The following GMDS variants were observed in gnomAD, a reference collection of about 807,000 sequenced individuals.
The protein encoded by GMDS is GDP-mannose 4,6-dehydratase.
Under a neutral mutation model 49.9 loss-of-function variants are expected in GMDS, and 20 were observed. That is an observed-to-expected ratio of 0.40 (90% confidence interval 0.28 to 0.58). The LOEUF (loss-of-function observed/expected upper bound fraction) is 0.58, where lower values mean the gene tolerates loss of function less well. Ranked by LOEUF, GMDS falls within the 20% of genes least tolerant of loss-of-function variation. GMDS has a pLI of 0.42. For synonymous variants in GMDS, 177 were observed against 178.6 expected, an observed-to-expected ratio of 0.99 and a Z score of 0.07; for missense variants, 362 against 481.4, an observed-to-expected ratio of 0.75 and a Z score of 2.32.
chr6:1,639,995 AATG>A (rs1250726042), intron 9 of GMDS, among the ~76,000 whole-genome samples: 2 of 152,204 alleles, frequency 1.3e-5, no homozygotes, highest in Non-Finnish European at 2.9e-5. Context: ...AAGCCTGTTG[AATG>A]ATATCGACCA....
chr6:2,006,374 G>T (rs1767173118), intron 4 of GMDS, among the ~76,000 whole-genome samples: 1 of 152,012 alleles, frequency 6.6e-6, no homozygotes, highest in African/African-American at 2.4e-5. Context: ...GTTGCAGTGA[G>T]CTATGATCAT....
chr6:2,228,645 C>T (rs527292512), intron 1 of GMDS, among the ~76,000 whole-genome samples: 66 of 152,336 alleles, frequency 4.3e-4, no homozygotes, highest in Admixed American at 8.5e-4. Context: ...TTGGAGTCCA[C>T]TTCTCTGTAG....
intron 4 of GMDS, among the ~76,000 whole-genome samples, chr6:2,067,523 C>G (rs1056045168): frequency 4.0e-5 from 6 of 151,612 alleles, no homozygotes; most frequent in Non-Finnish European, 8.8e-5. Context: ...GCTAGCAAGA[C>G]TAATAAAGAA....
rs1767311950 is a variant in GMDS, at chr6:1,742,511, C to T, written c.847G>A (p.Glu283Lys). ...TGCAAGAATGATTTCTCGACAAATT[C>T]CCGGACACTATGGACCTCCCCAGTA... ...IATGEVHSVR[E>K]FVEKSFLHIG... is the part of the protein sequence containing the mutation. Residue 283 changes from glutamate to lysine, a missense_variant, in exon 8 of 11, where the codon GAA (glutamate) becomes AAA (lysine). Glu to Lys is a moderately conservative substitution (Grantham distance 56). Coordinates refer to ENST00000380815, the MANE Select transcript of GMDS (RefSeq NM_001500.4). The T allele has an allele frequency of 6.2e-7, 1 of 1,611,768 alleles. No homozygotes were observed. The highest frequency in any genetic ancestry group is 2.2e-5 in the East Asian group (1 of 44,852).
intron 4 of GMDS, among the ~76,000 whole-genome samples, chr6:2,076,440 C>T (rs1189704823): frequency 6.6e-6 from 1 of 152,100 alleles, no homozygotes; most frequent in African/African-American, 2.4e-5. Context: ...CAAAAGAGAG[C>T]CCACATTGCC....
intron 9 of GMDS, chr6:1,717,754 TATGATA>T (rs1308252700): frequency 6.6e-6 from 1 of 152,216 alleles, no homozygotes; most frequent in Non-Finnish European, 1.5e-5. Context: ...CACAAGAGTA[TATGATA>T]ATGATAATTA....
At chr6:1,663,547 G>A (rs567517228) in intron 9 of GMDS, among the ~76,000 whole-genome samples, 6 of 152,206 alleles carry the variant, frequency 3.9e-5, no homozygotes, top group Admixed American at 2.0e-4. Flanking sequence ...GCAAGTACAC[G>A]GCGGCCCTCC....
At chr6:1,819,783 A>ATC in intron 7 of GMDS, among the ~76,000 whole-genome samples, 2 of 145,262 alleles carry the variant, frequency 1.4e-5, no homozygotes, top group East Asian at 4.0e-4. Context: ...AAAAATATAT[A>ATC]TATATATATA....
chr6:1,963,988 G>A (rs965310338), intron 4 of GMDS, among the ~76,000 whole-genome samples: 9 of 152,220 alleles, frequency 5.9e-5, no homozygotes, highest in African/African-American at 2.2e-4. Context: ...AGGACTCCAA[G>A]TGAGTCCCTG....
chr6:1,796,754 A>G (rs1428311062), intron 7 of GMDS, among the ~76,000 whole-genome samples: 2 of 152,234 alleles, frequency 1.3e-5, no homozygotes, highest in East Asian at 1.9e-4. Flanking sequence ...TTGTTTTAGT[A>G]GCGAAAAACT....
chr6:1,951,863 A>G, intron 6 of GMDS: 1 of 981,152 alleles, frequency 1.0e-6, no homozygotes, highest in East Asian at 1.1e-4. Flanking sequence ...TAAGCAAACT[A>G]ATGGTCTTTT....
chr6:1,809,942 T>C (rs1770344621), intron 7 of GMDS, among the ~76,000 whole-genome samples: 2 of 152,210 alleles, frequency 1.3e-5, no homozygotes, highest in African/African-American at 4.8e-5. Context: ...GGGTAGACAC[T>C]GGTATCAAGT....
chr6:1,706,767 C>G (rs1240720113), intron 9 of GMDS, among the ~76,000 whole-genome samples: 1 of 152,168 alleles, frequency 6.6e-6, no homozygotes, highest in Non-Finnish European at 1.5e-5. Flanking sequence ...TCTTTTTTCA[C>G]CCATCATTTT....
At chr6:1,963,267 A>G (rs567654411) in intron 4 of GMDS, among the ~76,000 whole-genome samples, 67 of 152,112 alleles carry the variant, frequency 4.4e-4, no homozygotes, top group Non-Finnish European at 7.9e-4. Context: ...AGCAAACTAT[A>G]GCCTCAAAAC....
intron 1 of GMDS, among the ~76,000 whole-genome samples, chr6:2,160,780 G>A (rs949787908): frequency 2.0e-5 from 3 of 151,906 alleles, no homozygotes; most frequent in South Asian, 4.2e-4. Context: ...CACCCACCTC[G>A]GCCTCCCAAA....
chr6:1,679,992 T>C (rs999080229), intron 9 of GMDS: 15 of 152,236 alleles, frequency 9.9e-5, no homozygotes, highest in African/African-American at 3.6e-4. Context: ...ATATTGTTCT[T>C]GGATGTCACA....
rs1477192289 is a variant in GMDS at position 2,162,697 on chromosome 6, CACACACACACACAA to C, written c.103-37980_103-37967del. ...ACACACACACACACACACACACACA[CACACACACACACAA>C]AACTTTCCTGGTGCTTCCCTACATT... On this transcript the variant is annotated intron_variant, in intron 1 of 10. Transcript: ENST00000380815. Among the ~76,000 whole-genome samples the C allele has an allele frequency of 3.8e-4, 55 of 144,220 alleles. No homozygotes were observed. The East Asian group carries it at 1.0e-2, about 26-fold the overall frequency. The allele number at this position is 144,220 out of a possible 152,430, so 94.6% of individuals were successfully genotyped here.
intron 4 of GMDS, among the ~76,000 whole-genome samples, chr6:2,111,047 T>A (rs1774517409): frequency 6.6e-6 from 1 of 151,578 alleles, no homozygotes; most frequent in Admixed American, 6.6e-5. Context: ...CTAGGTTCAC[T>A]GTAGAAAGAT....
chr6:2,201,067 A>AAC, intron 1 of GMDS, among the ~76,000 whole-genome samples: 1 of 118,468 alleles, frequency 8.4e-6, no homozygotes, highest in African/African-American at 3.3e-5. Flanking sequence ...ATCCGAGATG[A>AAC]AACCATCTAG....
Sources: allele counts gnomAD v4.1 joint callset (sites outside exome capture counted in the v4.1 genomes callset), GRCh38; gene constraint gnomAD v4.1.1; transcripts MANE v1.5; gene names NCBI Gene and HGNC (gene_info 2026-07-23, HGNC 2026-07-21).